The following ANKFN1 variants were observed in gnomAD, a reference collection of about 807,000 sequenced individuals.
ANKFN1 encodes ankyrin repeat and fibronectin type III domain containing 1, also known as ankyrin repeat and fibronectin type-III domain-containing protein 1.
ANKFN1 carries 74 observed loss-of-function variants against 108.7 expected under a neutral mutation model. The ratio of observed to expected loss-of-function variants is 0.68; its 90% CI spans 0.56 to 0.83. The LOEUF is 0.83. Among genes scored for constraint, ANKFN1 ranks in the 40% least tolerant of loss-of-function variants. The pLI, the probability that ANKFN1 is intolerant of heterozygous loss-of-function variation, is 0.00. For synonymous variants in ANKFN1, 547 were observed against 516.2 expected, an observed-to-expected ratio of 1.06 and a Z score of -0.81; for missense variants, 1,505 against 1,382.3, an observed-to-expected ratio of 1.09 and a Z score of -1.41.
At chr17:56,181,598 G>A (rs1911681812) in intron 1 of ANKFN1, among the ~76,000 whole-genome samples, 1 of 152,166 alleles carries the variant, frequency 6.6e-6, no homozygotes, top group Admixed American at 6.5e-5. Flanking sequence ...TACAGCTGTA[G>A]ACCAGTCAAG....
chr17:56,277,385 T>G (rs1318853963), intron 3 of ANKFN1, among the ~76,000 whole-genome samples: 1 of 152,152 alleles, frequency 6.6e-6, no homozygotes, highest in Non-Finnish European at 1.5e-5. Flanking sequence ...AAACTATTTC[T>G]TATTCATTTA....
chr17:56,155,946 T>A (rs1041339889), intron 1 of ANKFN1, among the ~76,000 whole-genome samples: 6 of 152,202 alleles, frequency 3.9e-5, no homozygotes, highest in African/African-American at 1.4e-4. Context: ...GGAAGTCACA[T>A]GGTGTCTGGG....
chr17:56,157,944 A>G (rs994171142), intron 1 of ANKFN1, among the ~76,000 whole-genome samples: 5 of 152,222 alleles, frequency 3.3e-5, no homozygotes, highest in Non-Finnish European at 7.3e-5. Flanking sequence ...TCCAGGTAAT[A>G]TAAATATAGT....
intron 4 of ANKFN1, among the ~76,000 whole-genome samples, chr17:56,104,718 C>T (rs948187144): frequency 2.6e-5 from 4 of 152,144 alleles, no homozygotes; most frequent in African/African-American, 9.7e-5. Flanking sequence ...TTTGGCAGAG[C>T]CCTGTGCTTC....
At chr17:56,403,412 T>C (rs1255020278) in intron 8 of ANKFN1, among the ~76,000 whole-genome samples, 1 of 152,104 alleles carries the variant, frequency 6.6e-6, no homozygotes, top group Non-Finnish European at 1.5e-5. Context: ...AGGATTGTGA[T>C]ATTTTCCTGT....
At chr17:56,219,754 G>T (rs1369326623) in intron 2 of ANKFN1, among the ~76,000 whole-genome samples, 4 of 152,128 alleles carry the variant, frequency 2.6e-5, no homozygotes, top group Admixed American at 6.5e-5. Context: ...ATTTGTTGCT[G>T]TTGTTTTGTG....
At chr17:56,279,963 A>C (rs2044028564) in intron 3 of ANKFN1, among the ~76,000 whole-genome samples, 1 of 151,992 alleles carries the variant, frequency 6.6e-6, no homozygotes, top group Admixed American at 6.6e-5. Flanking sequence ...ATTGCTTGCC[A>C]AACCAATTAA....
In ANKFN1 at chr17:56,516,927, A is replaced by AT. The variant is rs1256408398; in HGVS notation, c.*5664dup. ...AAAAATATTTTTTATTCTTCATTAG[A>AT]TTTTTTGCTGTTTAAGGGACAGTTT... is the stretch of plus-strand genomic sequence containing the variant. On this transcript the variant is annotated 3_prime_UTR_variant, in exon 21 of 21. Coordinates refer to ENST00000682825, the MANE Select transcript of ANKFN1 (RefSeq NM_001370326.1). Among the ~76,000 whole-genome samples the AT allele has an allele frequency of 2.0e-5, 3 of 152,158 alleles. No individual in the cohort carries two copies. Among genetic ancestry groups the AT allele is most frequent in the Admixed American group, 2.0e-4 (3 of 15,266 alleles).
intron 4 of ANKFN1, among the ~76,000 whole-genome samples, chr17:56,129,615 A>G (rs991923656): frequency 6.6e-6 from 1 of 152,178 alleles, no homozygotes; most frequent in Admixed American, 6.5e-5. Context: ...TATTTTTTTA[A>G]TTGTCACATA....
chr17:56,322,373 A>G (rs1424843384), intron 3 of ANKFN1, among the ~76,000 whole-genome samples: 1 of 152,172 alleles, frequency 6.6e-6, no homozygotes, highest in African/African-American at 2.4e-5. Flanking sequence ...CCTTCACACC[A>G]TCAGTGTCTT....
At chr17:56,485,808 C>G (rs2050837741) in intron 18 of ANKFN1, among the ~76,000 whole-genome samples, 1 of 152,104 alleles carries the variant, frequency 6.6e-6, no homozygotes, top group East Asian at 1.9e-4. Flanking sequence ...CAAATTTTAA[C>G]CTGCATAAGA....
chr17:56,157,190 G>A (rs1049420520), intron 1 of ANKFN1, among the ~76,000 whole-genome samples: 2 of 152,180 alleles, frequency 1.3e-5, no homozygotes, highest in African/African-American at 4.8e-5. Context: ...AAAGGGAGAG[G>A]ATGGGGACTC....
At chr17:56,224,353 A>G (rs1916095253) in intron 2 of ANKFN1, among the ~76,000 whole-genome samples, 1 of 152,194 alleles carries the variant, frequency 6.6e-6, no homozygotes, top group Non-Finnish European at 1.5e-5. Context: ...ATTAACATAA[A>G]ATAGAATTAA....
intron 3 of ANKFN1, among the ~76,000 whole-genome samples, chr17:56,302,360 AC>A (rs1232230686): frequency 6.6e-6 from 1 of 152,022 alleles, no homozygotes; most frequent in African/African-American, 2.4e-5. Context: ...CCTCATCTCT[AC>A]AAAAAATTAA....
chr17:56,125,533 T>G (rs1347513857), intron 4 of ANKFN1, among the ~76,000 whole-genome samples: 2 of 152,192 alleles, frequency 1.3e-5, no homozygotes, highest in Non-Finnish European at 2.9e-5. Context: ...CTAAAAGGTA[T>G]TGTGTGCTTA....
intron 8 of ANKFN1, among the ~76,000 whole-genome samples, chr17:56,395,785 G>A (rs755478241): frequency 1.1e-4 from 17 of 152,118 alleles, no homozygotes; most frequent in Non-Finnish European, 2.1e-4. Context: ...GAAGGTGGAG[G>A]TTGCTGTGAG....
intron 4 of ANKFN1, chr17:56,110,829 A>T (rs1464987371): frequency 6.6e-6 from 1 of 152,182 alleles, no homozygotes; most frequent in Non-Finnish European, 1.5e-5. Flanking sequence ...CCTTGAGGAC[A>T]CTCCTAGCAG....
chr17:56,453,133 G>A (rs375564531), intron 11 of ANKFN1, among the ~76,000 whole-genome samples: 63 of 151,678 alleles, frequency 4.2e-4, no homozygotes, highest in African/African-American at 1.2e-3. Flanking sequence ...TCTAAGTAAC[G>A]TGCTCATATT....
chr17:56,372,927 C>G (rs1161277043), intron 7 of ANKFN1, 87 bp downstream of exon 7: 1 of 1,321,994 alleles, frequency 7.6e-7, no homozygotes, highest in Non-Finnish European at 1.0e-6. Context: ...TTTTTTTTTT[C>G]AGCTCTACAG....
Sources: gnomAD v4.1 joint callset for allele counts (sites outside exome capture counted in the v4.1 genomes callset) on GRCh38, gnomAD v4.1.1 for gene constraint, MANE v1.5 for transcripts, NCBI Gene and HGNC (gene_info 2026-07-23, HGNC 2026-07-21) for gene names.